The following EFCAB12 variants were observed in gnomAD, a reference collection of about 807,000 sequenced individuals.
The protein encoded by EFCAB12 is EF-hand calcium binding domain 12.
In EFCAB12, 43 loss-of-function variants were observed where a neutral mutation model predicts 53.6. That is an observed-to-expected ratio of 0.80 (90% CI 0.63 to 1.03). EFCAB12 has a LOEUF of 1.03. EFCAB12 is among the 50% of genes least tolerant of loss of function. The pLI, the probability that EFCAB12 is intolerant of heterozygous loss-of-function variation, is 0.00. For synonymous variants in EFCAB12, 269 were observed against 289.2 expected, an observed-to-expected ratio of 0.93 and a Z score of 0.71; for missense variants, 646 against 730.6, an observed-to-expected ratio of 0.88 and a Z score of 1.34.
chr3:129,411,694 G>C (rs1030129381), intron 4 of EFCAB12: 5 of 175,674 alleles, frequency 2.8e-5, no homozygotes, highest in African/African-American at 9.5e-5. Context: ...CAGCACTTTG[G>C]GAGGCCGAGG....
chr3:129,421,469 G>A lies in EFCAB12; in HGVS notation c.384C>T (p.Asn128=). The change falls in exon 2 of 9, where the codon AAC becomes AAT. Residue 128 remains asparagine, a synonymous_variant. Coordinates refer to ENST00000505956, the MANE Select transcript of EFCAB12 (RefSeq NM_207307.3). The stretch of plus-strand genomic sequence containing the variant: ...CCTCTGAAGGCGTGATGCTGGGCTT[G>A]TTCTCCAGCCACCTCTTTACATCAC... ...SFGDVKRWLE[N]KPSITPSEAK... 1 of 1,614,050 alleles carries A rather than the reference G, an allele frequency of 6.2e-7. No homozygotes were observed. The highest frequency in any genetic ancestry group is 1.3e-5 in the African/African-American group (1 of 75,060).
chr3:129,415,291 C>T lies in EFCAB12; in HGVS notation c.792G>A (p.Gln264=). The change falls in exon 4 of 9, where the codon CAG becomes CAA. Residue 264 remains glutamine (Q), a synonymous_variant. Transcript: ENST00000505956. ...TGCTCCTTTGCTGAGCCATAGACCA[C>T]TGCTTGTAGGTATTGGCCAGGATAT... ...TMDILANTYK[Q]WSMAQQRSSL... 6.2e-7 allele frequency: 1 copy of T among 1,613,008 alleles called. No individual in the cohort carries two copies. The highest frequency in any genetic ancestry group is 8.5e-7 in the Non-Finnish European group (1 of 1,179,788).
At chr3:129,424,818 C>T (rs1229537232) in intron 1 of EFCAB12, among the ~76,000 whole-genome samples, 3 of 152,174 alleles carry the variant, frequency 2.0e-5, no homozygotes, top group South Asian at 2.1e-4. Context: ...GGGCACCTAC[C>T]GTGGTTCACC....
intron 7 of EFCAB12, 182 bp from the exon 8 acceptor site, chr3:129,402,761 A>C: frequency 1.6e-6 from 1 of 608,510 alleles, no homozygotes. Flanking sequence ...CCAGGGGAAC[A>C]CAGTGGGCTT....
intron 1 of EFCAB12, among the ~76,000 whole-genome samples, chr3:129,424,153 G>C (rs905017189): frequency 1.3e-5 from 2 of 152,198 alleles, no homozygotes; most frequent in Non-Finnish European, 2.9e-5. Context: ...GTTCCCCTGT[G>C]TCCTCGGTGC....
intron 1 of EFCAB12, among the ~76,000 whole-genome samples, chr3:129,422,201 T>C (rs1473669277): frequency 2.0e-5 from 3 of 152,204 alleles, no homozygotes; most frequent in African/African-American, 7.2e-5. Flanking sequence ...GGCTGCATGA[T>C]CTTGAGCAAA....
Position 129,426,774 on chromosome 3 carries a change from T to C in EFCAB12, c.49+1666A>G, listed in dbSNP as rs187570966. On this transcript the variant is annotated intron_variant, in intron 1 of 8. Coordinates refer to ENST00000505956, the MANE Select transcript of EFCAB12 (RefSeq NM_207307.3). ...TCACTGCAGCCTTGAACTCCTGGGC[T>C]CAAATGATCCTCCCAGCTCAGCCTC... Among the ~76,000 whole-genome samples, 5 of 151,232 alleles carry C rather than the reference T, an allele frequency of 3.3e-5. No individual in the cohort carries two copies. The East Asian group carries it at 9.7e-4, about 29-fold the overall frequency.
intron 1 of EFCAB12, 116 bp from the exon 2 acceptor site, chr3:129,421,919 G>C (rs771246358): frequency 4.3e-5 from 44 of 1,020,496 alleles, no homozygotes; most frequent in Admixed American, 3.5e-4. Flanking sequence ...CCCAGGCCAG[G>C]CTTTATCATT....
chr3:129,424,366 A>G (rs2072226204), intron 1 of EFCAB12, among the ~76,000 whole-genome samples: 1 of 152,014 alleles, frequency 6.6e-6, no homozygotes, highest in African/African-American at 2.4e-5. Flanking sequence ...ATGGGAGAGG[A>G]CGTCCCCCTT....
At chr3:129,415,567 G>A (rs12633058) in intron 3 of EFCAB12, among the ~76,000 whole-genome samples, 166 bp from the exon 4 acceptor site, 9,773 of 152,114 alleles carry the variant, frequency 0.064, 947 homozygotes, top group East Asian at 0.44. Context: ...GCCCTTTCCC[G>A]GTCCTTGAAT....
intron 1 of EFCAB12, among the ~76,000 whole-genome samples, chr3:129,422,860 G>A (rs1201832433): frequency 1.3e-5 from 2 of 151,990 alleles, no homozygotes; most frequent in Admixed American, 6.6e-5. Flanking sequence ...TCCTCGGTTT[G>A]GGCAGCAATT....
At chr3:129,417,699 T>C (rs1043738742) in intron 3 of EFCAB12, among the ~76,000 whole-genome samples, 1 of 152,170 alleles carries the variant, frequency 6.6e-6, no homozygotes, top group African/African-American at 2.4e-5. Flanking sequence ...GCTGGTGTGA[T>C]TGAAAGACTG....
At chr3:129,409,341 G>A (rs1035700005) in intron 5 of EFCAB12, among the ~76,000 whole-genome samples, 3 of 152,176 alleles carry the variant, frequency 2.0e-5, no homozygotes, top group African/African-American at 7.2e-5. Context: ...TTCTCAGGAG[G>A]CTGAGGTGGA....
rs758736386 is a variant in EFCAB12, at chr3:129,404,445, C to T, written c.1250-42G>A. 1.9e-6 allele frequency: 3 copies of T among 1,548,330 alleles called. No individual in the cohort carries two copies. The South Asian group carries it at 3.7e-5, about 19-fold the overall frequency. ...AAACATCTGCACCCATCAACCCAGACTGCCCATCCCTCCCTAAGCCTCTGG... is the reference window on the plus strand; with the variant it reads ...AAACATCTGCACCCATCAACCCAGATTGCCCATCCCTCCCTAAGCCTCTGG... On this transcript the variant is annotated intron_variant, in intron 6 of 8. Transcript: ENST00000505956.
chr3:129,404,355 C>T lies in EFCAB12; in HGVS notation c.1298G>A (p.Cys433Tyr). 4 of 1,613,836 alleles carry T rather than the reference C, an allele frequency of 2.5e-6. No individual in the cohort carries two copies. The highest frequency in any genetic ancestry group is 3.4e-6 in the Non-Finnish European group (4 of 1,179,872). The stretch of plus-strand genomic sequence containing the variant: ...GTAGCCTCCCGGCTGCCGGATGGGG[C>T]ACACTTTGTCCATCTGGAAAATGAT... ...DKIIFQMDKV[C>Y]PIRQPGGYYS... Residue 433 changes from cysteine (C) to tyrosine (Y), a missense_variant, in exon 7 of 9, where the codon TGC (cysteine) becomes TAC (tyrosine). Physicochemically the swap from Cys to Tyr is radical, Grantham distance 194. Transcript: ENST00000505956.
chr3:129,406,048 TA>T (rs528836223), intron 6 of EFCAB12, among the ~76,000 whole-genome samples: 9,298 of 137,588 alleles, frequency 0.068, 323 homozygotes, highest in Middle Eastern at 0.12. Flanking sequence ...CCCCATCTCT[TA>T]AAAAAAAAAA....
intron 6 of EFCAB12, among the ~76,000 whole-genome samples, chr3:129,406,526 A>G (rs905653704): frequency 2.5e-4 from 38 of 152,252 alleles, no homozygotes; most frequent in African/African-American, 8.4e-4. Flanking sequence ...CGAGAGAGAA[A>G]GGGTCTTGCT....
chr3:129,402,107 G>A (rs1368941128), intron 8 of EFCAB12, among the ~76,000 whole-genome samples: 1 of 152,206 alleles, frequency 6.6e-6, no homozygotes, highest in African/African-American at 2.4e-5. Context: ...CTTGTCCAAT[G>A]CCTCTAAACT....
chr3:129,418,196 G>C, intron 3 of EFCAB12, 58 bp downstream of exon 3: 1 of 1,470,110 alleles, frequency 6.8e-7, no homozygotes, highest in Non-Finnish European at 9.1e-7. Flanking sequence ...TGGCAAAGAG[G>C]GAGTACATGT....
Sources: gnomAD v4.1 joint callset for allele counts (sites outside exome capture counted in the v4.1 genomes callset) on GRCh38, gnomAD v4.1.1 for gene constraint, MANE v1.5 for transcripts, NCBI Gene and HGNC (gene_info 2026-07-23, HGNC 2026-07-21) for gene names.